The following ENTPD5 variants were observed in gnomAD, a reference collection of about 807,000 sequenced individuals.
ENTPD5 encodes nucleoside diphosphate phosphatase ENTPD5.
Under a neutral mutation model 60.2 loss-of-function variants are expected in ENTPD5, and 49 were observed. That is an observed-to-expected ratio of 0.81 (90% CI 0.65 to 1.03). ENTPD5 has a LOEUF of 1.03. Among genes scored for constraint, ENTPD5 ranks in the 50% least tolerant of loss-of-function variants. ENTPD5 has a pLI of 0.00. For missense variants in ENTPD5, 480 were observed against 507.6 expected, an observed-to-expected ratio of 0.95 and a Z score of 0.52; for synonymous variants, 187 against 185.4, an observed-to-expected ratio of 1.01 and a Z score of -0.07.
At chr14:73,975,448 C>T (rs2074931) in intron 10 of ENTPD5, among the ~76,000 whole-genome samples, 59,929 of 148,736 alleles carry the variant, frequency 0.4, 13,138 homozygotes, top group South Asian at 0.49. Context: ...TCTGTCGCTC[C>T]GGCTGAAGTG....
chr14:73,987,266 G>C (rs1168450772), intron 4 of ENTPD5: 1 of 644,198 alleles, frequency 1.6e-6, no homozygotes, highest in Non-Finnish European at 2.8e-6. Context: ...CCCATATTCT[G>C]AATATTATGG....
At chr14:73,960,791 G>A (rs1013567797), downstream of ENTPD5, 14 of 373,260 alleles carry the variant, frequency 3.8e-5, no homozygotes, top group East Asian at 2.9e-4. Context: ...AAGAGGCGAC[G>A]TCTTCTGGAT....
chr14:73,962,519 A>G (rs2140426988), downstream of ENTPD5, among the ~76,000 whole-genome samples: 1 of 151,918 alleles, frequency 6.6e-6, no homozygotes. Context: ...TGATCACATC[A>G]TTGTTACTCA....
rs2056987036 is a variant in ENTPD5 at position 73,966,744 on chromosome 14, T to G, written c.*184A>C. ...TGGCTCACAGGGCTCTCTGTGATGC[T>G]CTGGTGCCAGCTGTGTACTCTTGAG... On this transcript the variant is annotated 3_prime_UTR_variant, in exon 16 of 16. Transcript: ENST00000334696. 1.9e-6 allele frequency: 1 copy of G among 533,462 alleles called. No individual in the cohort carries two copies. Among genetic ancestry groups the G allele is most frequent in the African/African-American group, 1.9e-5 (1 of 51,558 alleles). The allele number at this position is 533,462 out of a possible 1,614,324, so 33.0% of individuals were successfully genotyped here.
rs1447390183 is a variant in ENTPD5 at position 73,963,988 on chromosome 14, A to G, written c.*2940T>C. 6.6e-6 allele frequency: 1 copy of G among 152,242 alleles called. No homozygotes were observed. Among genetic ancestry groups the G allele is most frequent in the African/African-American group, 2.4e-5 (1 of 41,460 alleles). The allele number at this position is 152,242 out of a possible 1,614,324, so 9.4% of individuals were successfully genotyped here. On this transcript the variant is annotated 3_prime_UTR_variant, in exon 16 of 16. Transcript: ENST00000334696. Reference sequence around the variant, plus strand: ...AGAACAAAAAAGTGACAATGTCACAACCTTGCTGGAATCTCAGGAAAAAGA... The same window carrying G: ...AGAACAAAAAAGTGACAATGTCACAGCCTTGCTGGAATCTCAGGAAAAAGA...
chr14:74,003,573 T>G (rs1391178407), intron 3 of ENTPD5: 3 of 624,410 alleles, frequency 4.8e-6, no homozygotes, highest in African/African-American at 1.8e-5. Context: ...CATGCTATTG[T>G]GTAGAGCTTG....
chr14:73,974,923 CCTT>C lies in ENTPD5; in HGVS notation c.782_784del (p.Glu261del), dbSNP rs1437754972. 3.1e-6 allele frequency: 5 copies of C among 1,612,470 alleles called. No individual in the cohort carries two copies. Among genetic ancestry groups the C allele is most frequent in the South Asian group, 1.1e-5 (1 of 91,014 alleles). On this transcript the variant is annotated inframe_deletion and splice_region_variant, in exon 11 of 16. Transcript: ENST00000334696. ...CCCCCAGCACAGGTACCCAGACAAA[CCTT>C]CTGTCTCCAGGGCTCCCAGGGTTGC... is the stretch of plus-strand genomic sequence containing the variant.
chr14:73,962,186 T>A (rs1295404489), downstream of ENTPD5, among the ~76,000 whole-genome samples: 1 of 152,120 alleles, frequency 6.6e-6, no homozygotes, highest in African/African-American at 2.4e-5. Context: ...GACCTCGTGA[T>A]CTGCCTGCCT....
downstream of ENTPD5, chr14:73,962,917 TTTTC>T: frequency 7.1e-7 from 1 of 1,408,562 alleles, no homozygotes; most frequent in Non-Finnish European, 1.0e-6. Context: ...ACAATAATTA[TTTTC>T]TTCACCTTAC....
intron 3 of ENTPD5, among the ~76,000 whole-genome samples, chr14:73,991,442 G>A (rs1162260598): frequency 6.6e-6 from 1 of 152,006 alleles, no homozygotes; most frequent in Non-Finnish European, 1.5e-5. Context: ...ACAAAAATTA[G>A]TTAGTTGTGG....
intron 3 of ENTPD5, among the ~76,000 whole-genome samples, chr14:74,004,968 GT>G (rs1320714512): frequency 1.3e-5 from 2 of 151,506 alleles, no homozygotes; most frequent in South Asian, 2.1e-4. Context: ...ATTTTGTGGG[GT>G]TTTTTTTCCA....
At chr14:73,957,891 G>A (rs184983711), downstream of ENTPD5, 449 of 452,300 alleles carry the variant, frequency 9.9e-4, no homozygotes, top group Non-Finnish European at 1.6e-3. Flanking sequence ...TGGAGGCGCA[G>A]AAGCATGTGG....
chr14:73,969,128 G>A (rs986009453), intron 15 of ENTPD5, among the ~76,000 whole-genome samples: 52 of 152,226 alleles, frequency 3.4e-4, no homozygotes, highest in African/African-American at 1.2e-3. Context: ...AAATGGCCAT[G>A]TGTGTGTGCC....
chr14:74,016,480 T>C (rs963166537), intron 1 of ENTPD5, among the ~76,000 whole-genome samples: 14 of 151,906 alleles, frequency 9.2e-5, no homozygotes, highest in African/African-American at 3.1e-4. Flanking sequence ...CTACAAAAAA[T>C]ACAAAATTAG....
chr14:74,005,968 A>G (rs1236616706), intron 3 of ENTPD5, among the ~76,000 whole-genome samples: 1 of 152,166 alleles, frequency 6.6e-6, no homozygotes, highest in Admixed American at 6.5e-5. Flanking sequence ...CTTGTTTCTA[A>G]AGGTGAAAAG....
chr14:73,974,016 G>A (rs1196924487), intron 11 of ENTPD5, 38 bp from the exon 12 acceptor site: 1 of 1,570,050 alleles, frequency 6.4e-7, no homozygotes, highest in Non-Finnish European at 8.8e-7. Flanking sequence ...AGGTAAGTAA[G>A]TGAGAGAGAG....
At chr14:73,962,200 C>T (rs1189144837), downstream of ENTPD5, among the ~76,000 whole-genome samples, 1 of 152,088 alleles carries the variant, frequency 6.6e-6, no homozygotes, top group Non-Finnish European at 1.5e-5. Flanking sequence ...CCTGCCTCGG[C>T]CTCCCAAAGT....
At chr14:73,961,563 G>C (rs777627820), downstream of ENTPD5, 14 of 1,614,046 alleles carry the variant, frequency 8.7e-6, no homozygotes, top group Non-Finnish European at 1.1e-5. Flanking sequence ...TCAATGGGAA[G>C]GACTTAGGTA....
chr14:73,969,988 A>G, intron 15 of ENTPD5, 22 bp downstream of exon 15: 2 of 1,535,356 alleles, frequency 1.3e-6, no homozygotes, highest in Non-Finnish European at 9.0e-7. Context: ...CTGTTATGAG[A>G]CTCTGGTGTC....
Sources: allele counts gnomAD v4.1 joint callset (sites outside exome capture counted in the v4.1 genomes callset), GRCh38; gene constraint gnomAD v4.1.1; transcripts MANE v1.5; gene names NCBI Gene and HGNC (gene_info 2026-07-23, HGNC 2026-07-21).